Variants in CSMD1 observed in about 807,000 individuals in gnomAD.
CSMD1 encodes the protein CUB and Sushi multiple domains 1.
In CSMD1, 213 loss-of-function variants were observed where a neutral mutation model predicts 417.5. The ratio of observed to expected loss-of-function variants is 0.51; its 90% CI spans 0.46 to 0.57. The LOEUF (loss-of-function observed/expected upper bound fraction) is 0.57. Among genes scored for constraint, CSMD1 ranks in the 20% least tolerant of loss-of-function variants. The pLI, the probability that CSMD1 is intolerant of heterozygous loss-of-function variation, is 0.00. For synonymous variants in CSMD1, 2,862 were observed against 1,736.8 expected, an observed-to-expected ratio of 1.65 and a Z score of -16.11; for missense variants, 6,923 against 4,529.7, an observed-to-expected ratio of 1.53 and a Z score of -15.17.
chr8:3,987,889 A>G (rs2554538), intron 5 of CSMD1, among the ~76,000 whole-genome samples: 75,089 of 152,064 alleles, frequency 0.49, 18,970 homozygotes, highest in African/African-American at 0.6. Flanking sequence ...GCACATTGCA[A>G]CATCTTCTAC....
chr8:3,270,043 C>CT lies in CSMD1; in HGVS notation c.4153+14100dup, dbSNP rs1490920601. On this transcript the variant is annotated intron_variant, in intron 26 of 69. Transcript: ENST00000635120. ...GATGAGCAAGGACTTTCTCTAACCT[C>CT]TTCTTTTTTTTTTTTTTTTTTTTTG... Among the ~76,000 whole-genome samples the CT allele has an allele frequency of 3.0e-5, 3 of 100,000 alleles. No individual in the cohort carries two copies. In the East Asian group the frequency reaches 9.4e-4, roughly 31 times the overall value. The allele number at this position is 100,000 out of a possible 152,430, so 65.6% of individuals were successfully genotyped here. A position where few individuals can be genotyped will look rare whatever the true frequency, so the allele number is the denominator to read the frequency against.
chr8:3,354,882 T>G (rs570770702), intron 21 of CSMD1, among the ~76,000 whole-genome samples: 1 of 150,044 alleles, frequency 6.7e-6, no homozygotes. Context: ...CATATATCTA[T>G]AGATATGTCT....
chr8:4,389,783 T>TAA (rs1372300691), intron 3 of CSMD1, among the ~76,000 whole-genome samples: 1 of 152,144 alleles, frequency 6.6e-6, no homozygotes, highest in Non-Finnish European at 1.5e-5. Flanking sequence ...TGAAACCTAT[T>TAA]AAAAATGTAA....
At chr8:3,534,077 T>C (rs1236945775) in intron 10 of CSMD1, among the ~76,000 whole-genome samples, 3 of 152,182 alleles carry the variant, frequency 2.0e-5, no homozygotes, top group African/African-American at 4.8e-5. Flanking sequence ...TCCTTTGAAA[T>C]GATTGTTTTA....
At chr8:4,325,000 G>T (rs1316399647) in intron 3 of CSMD1, among the ~76,000 whole-genome samples, 1 of 152,092 alleles carries the variant, frequency 6.6e-6, no homozygotes, top group Non-Finnish European at 1.5e-5. Context: ...TGCATTCCTG[G>T]TGTGGTCACT....
chr8:4,300,907 G>A (rs902263937), intron 3 of CSMD1, among the ~76,000 whole-genome samples: 7 of 152,130 alleles, frequency 4.6e-5, no homozygotes, highest in African/African-American at 7.2e-5. Context: ...GTGTATATGT[G>A]CCACATTTTC....
In CSMD1 at chr8:3,608,903, T is replaced by G. The variant is rs560655761; in HGVS notation, c.1097+7807A>C. Reference sequence around the variant, plus strand: ...CAAGATTGTCCTTCTGCTCAGCATATGCAATGCATGCTAAGCTGCAGGGCT... The same window carrying G: ...CAAGATTGTCCTTCTGCTCAGCATAGGCAATGCATGCTAAGCTGCAGGGCT... On this transcript the variant is annotated intron_variant, in intron 8 of 69. Transcript: ENST00000635120. Among the ~76,000 whole-genome samples, 3 of 152,266 alleles carry G rather than the reference T, an allele frequency of 2.0e-5. No homozygotes were observed. In the South Asian group the frequency reaches 6.2e-4, roughly 32 times the overall value.
At chr8:4,113,165 T>C (rs1465826219) in intron 3 of CSMD1, among the ~76,000 whole-genome samples, 1 of 152,118 alleles carries the variant, frequency 6.6e-6, no homozygotes, top group Non-Finnish European at 1.5e-5. Context: ...TCCTCGGGCC[T>C]TCCTAGCCCC....
chr8:4,973,641 T>C lies in CSMD1; in HGVS notation c.85+20691A>G, dbSNP rs917282192. On this transcript the variant is annotated intron_variant, in intron 1 of 69. Coordinates refer to ENST00000635120, the MANE Select transcript of CSMD1 (RefSeq NM_033225.6). The stretch of plus-strand genomic sequence containing the variant: ...ATCTCTACAAATCTTCCAAATGCCA[T>C]TAAGTACACTCTATTGAAGAATAAT... Among the ~76,000 whole-genome samples, 4 of 152,298 alleles carry C rather than the reference T, an allele frequency of 2.6e-5. No individual in the cohort carries two copies. In the East Asian group the frequency reaches 5.8e-4, roughly 22 times the overall value.
At chr8:4,838,235 G>T (rs541572023) in intron 1 of CSMD1, among the ~76,000 whole-genome samples, 1 of 152,272 alleles carries the variant, frequency 6.6e-6, no homozygotes, top group African/African-American at 2.4e-5. Context: ...GTTTCGTTCT[G>T]GGTTTTATTC....
intron 1 of CSMD1, among the ~76,000 whole-genome samples, chr8:4,914,583 G>GAAAAAAA (rs59293226): frequency 7.5e-6 from 1 of 133,682 alleles, no homozygotes; most frequent in Non-Finnish European, 1.6e-5. Flanking sequence ...CTCCCAAAAA[G>GAAAAAAA]AAAAAAAAAA....
At chr8:4,968,782 T>A (rs184861708) in intron 1 of CSMD1, among the ~76,000 whole-genome samples, 2 of 152,002 alleles carry the variant, frequency 1.3e-5, no homozygotes, top group East Asian at 3.9e-4. Context: ...ATAATAAAAA[T>A]AAAAAAAGGA....
intron 7 of CSMD1, among the ~76,000 whole-genome samples, chr8:3,660,957 T>A (rs13259853): frequency 0.3 from 45,931 of 152,072 alleles, 8,913 homozygotes; most frequent in Non-Finnish European, 0.43. Context: ...GACTGACAGG[T>A]GTGAAGCAGA....
intron 3 of CSMD1, among the ~76,000 whole-genome samples, chr8:4,314,177 T>C (rs527446718): frequency 6.6e-6 from 1 of 152,040 alleles, no homozygotes; most frequent in African/African-American, 2.4e-5. Flanking sequence ...AAGCATCTCA[T>C]TCCTTGGTTC....
chr8:4,219,374 T>G (rs914718501), intron 3 of CSMD1, among the ~76,000 whole-genome samples: 2 of 152,120 alleles, frequency 1.3e-5, no homozygotes, highest in African/African-American at 4.8e-5. Context: ...TGGCACAGAG[T>G]AAGTGCTCAA....
chr8:4,728,850 G>C (rs922174935), intron 1 of CSMD1, among the ~76,000 whole-genome samples: 2 of 152,130 alleles, frequency 1.3e-5, no homozygotes, highest in Admixed American at 6.6e-5. Flanking sequence ...GGCATCTACT[G>C]AGATTAATAA....
At chr8:3,597,535 C>T (rs1801152272) in intron 8 of CSMD1, among the ~76,000 whole-genome samples, 1 of 152,110 alleles carries the variant, frequency 6.6e-6, no homozygotes, top group Non-Finnish European at 1.5e-5. Context: ...GTTTTTCTCA[C>T]CACAATGCAA....
chr8:3,354,781 T>G (rs1808631429), intron 21 of CSMD1, among the ~76,000 whole-genome samples: 1 of 121,938 alleles, frequency 8.2e-6, no homozygotes, highest in African/African-American at 3.4e-5. Flanking sequence ...AGTTTAGTGA[T>G]ATATATATAT....
chr8:3,270,425 G>T lies in CSMD1; in HGVS notation c.4153+13719C>A, dbSNP rs549261375. 7.2e-5 allele frequency among the ~76,000 whole-genome samples: 11 copies of T among 152,208 alleles called. No individual in the cohort carries two copies. The East Asian group carries it at 2.1e-3, about 29-fold the overall frequency. The stretch of plus-strand genomic sequence containing the variant: ...TTAAAGCAGTGAAAAAAAATGATCA[G>T]TTTTAATGAAGAAAATTTACCAGGT... On this transcript the variant is annotated intron_variant, in intron 26 of 69. Transcript: ENST00000635120.
Sources: gnomAD v4.1 joint callset for allele counts (sites outside exome capture counted in the v4.1 genomes callset) on GRCh38, gnomAD v4.1.1 for gene constraint, MANE v1.5 for transcripts, NCBI Gene and HGNC (gene_info 2026-07-23, HGNC 2026-07-21) for gene names.